The following IQSEC2 variants were observed in gnomAD, a reference collection of about 807,000 sequenced individuals.
The protein encoded by IQSEC2 is IQ motif and SEC7 domain-containing protein 2.
Under a neutral mutation model 74.6 loss-of-function variants are expected in IQSEC2, and 6 were observed. The ratio of observed to expected loss-of-function variants is 0.08; its 90% CI spans 0.04 to 0.16. The LOEUF (loss-of-function observed/expected upper bound fraction) is 0.16. Ranked by LOEUF, IQSEC2 falls within the 10% of genes least tolerant of loss-of-function variation. The pLI, the probability that IQSEC2 is intolerant of heterozygous loss-of-function variation, is 1.00. For missense variants in IQSEC2, 734 were observed against 1,306.2 expected (o/e 0.56, Z 6.75); for synonymous variants, 494 against 544.5 (o/e 0.91, Z 1.29).
intron 2 of IQSEC2, among the ~76,000 whole-genome samples, chrX:53,269,113 T>C (rs1413407598): frequency 1.8e-5 from 2 of 112,091 alleles, no homozygotes; most frequent in African/African-American, 3.2e-5. Flanking sequence ...TCTATGTGTG[T>C]GCTGATTCTG....
chrX:53,234,852 G>C lies in IQSEC2; in HGVS notation c.3834C>G (p.Ala1278=). 1 of 1,145,814 alleles carries C rather than the reference G, an allele frequency of 8.7e-7. No individual in the cohort carries two copies. The highest frequency in any genetic ancestry group is 1.2e-6 in the Non-Finnish European group (1 of 860,744). 94.4% of individuals were successfully genotyped at this position (1,145,814 alleles called of 1,213,427 possible). A position where few individuals can be genotyped will look rare whatever the true frequency, so the allele number is the denominator to read the frequency against. ...HAQYCQGPGP[A]PPPYLPPQQP... ...GCTGGGGTGGGAGGTAGGGTGGCGG[G>C]GCAGGGCCCGGTCCTTGGCAATACT... is the stretch of plus-strand genomic sequence containing the variant. The change falls in exon 15 of 15, where the codon GCC becomes GCG. Residue 1278 remains alanine, a synonymous_variant. Transcript: ENST00000642864.
chrX:53,238,763 C>T lies in IQSEC2; in HGVS notation c.3115+432G>A, dbSNP rs146855065. Among the ~76,000 whole-genome samples, 778 of 108,472 alleles carry T rather than the reference C, an allele frequency of 7.2e-3. 5 individuals are homozygous for T. Among genetic ancestry groups the T allele is most frequent in the Admixed American group, 0.014 (138 of 9,896 alleles). The allele number at this position is 108,472 out of a possible 115,157, so 94.2% of individuals were successfully genotyped here. ...TAGCAGCTCCCCTTTGCCCCAAAGCCCTCAAACTCCTGGTAGCTGTGGCCC... is the reference window on the plus strand; with the variant it reads ...TAGCAGCTCCCCTTTGCCCCAAAGCTCTCAAACTCCTGGTAGCTGTGGCCC... On this transcript the variant is annotated intron_variant, in intron 11 of 14. Coordinates refer to ENST00000642864, the MANE Select transcript of IQSEC2 (RefSeq NM_001111125.3).
intron 1 of IQSEC2, among the ~76,000 whole-genome samples, chrX:53,305,354 C>G (rs2075250470): frequency 9.0e-6 from 1 of 111,136 alleles, no homozygotes; most frequent in Non-Finnish European, 1.9e-5. Flanking sequence ...GCTAAGACTA[C>G]AGGCATACAC....
chrX:53,307,703 G>A (rs1309118225), intron 1 of IQSEC2, among the ~76,000 whole-genome samples: 3 of 103,629 alleles, frequency 2.9e-5, no homozygotes, highest in East Asian at 3.2e-4. Flanking sequence ...TCAGGGGTTC[G>A]AGACTAACCT....
At chrX:53,291,999 G>T in intron 1 of IQSEC2, 75 bp from the exon 2 acceptor site, 1 of 915,467 alleles carries the variant, frequency 1.1e-6, no homozygotes, top group Non-Finnish European at 1.5e-6. Flanking sequence ...AGGTAGAGTG[G>T]CTTTGGGGGG....
intron 2 of IQSEC2, among the ~76,000 whole-genome samples, chrX:53,276,654 C>T (rs1391448780): frequency 3.6e-5 from 4 of 112,092 alleles, no homozygotes; most frequent in Middle Eastern, 4.6e-3. Context: ...TAGGGCCTCA[C>T]TGTTACATTT....
chrX:53,250,984 C>T lies in IQSEC2; in HGVS notation c.1592G>A (p.Arg531Gln), dbSNP rs149027201. The change falls in exon 5 of 15, where the codon CGA becomes CAA. Residue 531 changes from arginine (R) to glutamine (Q), a missense_variant. Arg to Gln is a conservative substitution (Grantham distance 43). Transcript: ENST00000642864. ...DDTVPQQSPE[R>Q]LPSTEPPPQG... ...GGGTGGGGGTTCTGTGCTGGGCAGT[C>T]GCTCAGGGGATTGTTGGGGAACTGT... The T allele has an allele frequency of 8.3e-7, 1 of 1,210,350 alleles. No individual in the cohort carries two copies. The highest frequency in any genetic ancestry group is 1.7e-5 in the African/African-American group (1 of 57,251).
At chrX:53,283,268 G>A (rs2074993511) in intron 2 of IQSEC2, among the ~76,000 whole-genome samples, 1 of 112,257 alleles carries the variant, frequency 8.9e-6, no homozygotes, top group African/African-American at 3.2e-5. Flanking sequence ...ATGATGCTGT[G>A]TGACTTTGGG....
chrX:53,227,444 G>C, downstream of IQSEC2: 1 of 278,345 alleles, frequency 3.6e-6, no homozygotes, highest in South Asian at 2.2e-4. Flanking sequence ...TCTTCCTGTC[G>C]TTTGCCCTCA....
downstream of IQSEC2, chrX:53,231,471 G>A (rs1446146719): frequency 2.8e-5 from 3 of 108,169 alleles, no homozygotes; most frequent in African/African-American, 1.1e-4. Context: ...GTCAAGATAA[G>A]GGGTTTCTGT....
intron 1 of IQSEC2, among the ~76,000 whole-genome samples, chrX:53,309,627 C>T (rs2075301794): frequency 8.9e-6 from 1 of 112,059 alleles, no homozygotes; most frequent in East Asian, 2.8e-4. Flanking sequence ...TTGGCTGCCC[C>T]AGCCTGCTCC....
Position 53,235,131 on chromosome X carries a change from T to TGGGGGGGGGG in IQSEC2, c.3554_3555insCCCCCCCCCC (p.Pro1189ThrfsTer65). The TGGGGGGGGGG allele has an allele frequency of 3.9e-6, 1 of 257,271 alleles. No individual in the cohort carries two copies. The highest frequency in any genetic ancestry group is 2.0e-4 in the East Asian group (1 of 4,964). The allele number at this position is 257,271 out of a possible 1,213,427, so 21.2% of individuals were successfully genotyped here. Reference sequence around the variant, plus strand: ...TCTTGTACTCCTCTGGCGGCGGGGGTGGGGGCGGAGGTGGCATCCTCTGGT... The same window carrying TGGGGGGGGGG: ...TCTTGTACTCCTCTGGCGGCGGGGGTGGGGGGGGGGGGGGGCGGAGGTGGCATCCTCTGGT... On this transcript the variant is annotated frameshift_variant, in exon 15 of 15. Coordinates refer to ENST00000642864, the MANE Select transcript of IQSEC2 (RefSeq NM_001111125.3). LOFTEE classifies it high-confidence loss of function.
chrX:53,291,749 T>C, intron 2 of IQSEC2, 146 bp downstream of exon 2: 2 of 404,702 alleles, frequency 4.9e-6, no homozygotes, highest in South Asian at 4.9e-5. Context: ...CTCACCCCAC[T>C]CCATAGCCAC....
chrX:53,240,520 G>A (rs896123409), intron 10 of IQSEC2, among the ~76,000 whole-genome samples: 43 of 112,458 alleles, frequency 3.8e-4, no homozygotes, highest in Non-Finnish European at 2.6e-4. Context: ...TCTTTGTGAT[G>A]CCAAGGGTTG....
intron 7 of IQSEC2, among the ~76,000 whole-genome samples, 191 bp downstream of exon 7, chrX:53,247,923 T>C (rs1556862371): frequency 8.9e-6 from 1 of 112,523 alleles, no homozygotes; most frequent in African/African-American, 3.2e-5. Flanking sequence ...CGAATGCCCA[T>C]GTCCCAGAGG....
intron 13 of IQSEC2, among the ~76,000 whole-genome samples, 187 bp from the exon 14 acceptor site, chrX:53,236,019 A>G (rs1556859561): frequency 9.0e-6 from 1 of 110,880 alleles, no homozygotes. Context: ...GGAGGAAAAG[A>G]TGGAGAAGGA....
chrX:53,240,912 C>A (rs1468983546), intron 10 of IQSEC2, among the ~76,000 whole-genome samples: 1 of 110,052 alleles, frequency 9.1e-6, no homozygotes, highest in African/African-American at 3.3e-5. Context: ...GTAGCTGGGA[C>A]TACAGGCATG....
intron 2 of IQSEC2, among the ~76,000 whole-genome samples, chrX:53,259,697 G>A (rs1403539098): frequency 9.9e-5 from 11 of 111,420 alleles, no homozygotes; most frequent in African/African-American, 3.6e-4. Context: ...CTACTAGGGA[G>A]GCTGAGGCAG....
chrX:53,291,810 A>G (rs2075103031), intron 2 of IQSEC2, 85 bp downstream of exon 2: 3 of 888,721 alleles, frequency 3.4e-6, no homozygotes, highest in Non-Finnish European at 4.7e-6. Context: ...CCCCTTGCCC[A>G]TGGATCCTGC....
Sources: allele counts gnomAD v4.1 joint callset (sites outside exome capture counted in the v4.1 genomes callset), GRCh38; gene constraint gnomAD v4.1.1; transcripts MANE v1.5; gene names NCBI Gene and HGNC (gene_info 2026-07-23, HGNC 2026-07-21).